Variants in EMCN observed in about 807,000 individuals in gnomAD.
The protein encoded by EMCN is endomucin, also known as MUC-14.
A neutral mutation model predicts 38.4 loss-of-function variants in EMCN; 37 were observed. The ratio of observed to expected loss-of-function variants is 0.96; its 90% CI spans 0.74 to 1.27. The LOEUF (loss-of-function observed/expected upper bound fraction) is 1.27, where lower values mean the gene tolerates loss of function less well. EMCN is among the 50% of genes most tolerant of loss of function. The pLI is 0.00. For synonymous variants in EMCN, 95 were observed against 100.8 expected (o/e 0.94, Z 0.35); for missense variants, 318 against 302.8 (o/e 1.05, Z -0.37).
chr4:100,410,238 C>T (rs1048012867), intron 11 of EMCN, 44 bp downstream of exon 11: 7 of 1,301,120 alleles, frequency 5.4e-6, no homozygotes, highest in Non-Finnish European at 6.7e-6. Context: ...GCTAACAAAA[C>T]AGATATTAAT....
intron 4 of EMCN, among the ~76,000 whole-genome samples, chr4:100,454,252 A>C (rs1451577159): frequency 1.3e-5 from 2 of 151,520 alleles, no homozygotes; most frequent in Non-Finnish European, 2.9e-5. Context: ...AAAAAAAAAA[A>C]ATAGCTCAGG....
chr4:100,511,546 C>G (rs569314380), intron 1 of EMCN, among the ~76,000 whole-genome samples: 2 of 152,260 alleles, frequency 1.3e-5, no homozygotes, highest in South Asian at 2.1e-4. Context: ...ACTAACCTCA[C>G]AGTATAATTC....
At chr4:100,504,728 G>A (rs1458769415) in intron 1 of EMCN, among the ~76,000 whole-genome samples, 1 of 152,218 alleles carries the variant, frequency 6.6e-6, no homozygotes, top group Non-Finnish European at 1.5e-5. Context: ...CCACGGTCTA[G>A]CGGTAGAGTC....
At chr4:100,456,511 T>G (rs929571242) in intron 4 of EMCN, among the ~76,000 whole-genome samples, 5 of 152,202 alleles carry the variant, frequency 3.3e-5, no homozygotes, top group Non-Finnish European at 5.9e-5. Flanking sequence ...ATTGCCAGTT[T>G]TGGTACTGCA....
chr4:100,514,092 A>T (rs1221837591), intron 1 of EMCN, among the ~76,000 whole-genome samples: 1 of 152,042 alleles, frequency 6.6e-6, no homozygotes, highest in Non-Finnish European at 1.5e-5. Context: ...AGGACTAAAG[A>T]ACATTCACCT....
At chr4:100,483,448 C>T (rs548044200) in intron 1 of EMCN, 6 of 152,148 alleles carry the variant, frequency 3.9e-5, no homozygotes, top group African/African-American at 1.4e-4. Flanking sequence ...ACATGTTTTG[C>T]TCTTATGTAA....
chr4:100,466,375 T>C (rs1728316825), intron 3 of EMCN, among the ~76,000 whole-genome samples: 1 of 152,188 alleles, frequency 6.6e-6, no homozygotes, highest in South Asian at 2.1e-4. Context: ...GAATTGCTGG[T>C]GTTTTCTAGA....
At chr4:100,510,832 C>T (rs1002193558) in intron 1 of EMCN, among the ~76,000 whole-genome samples, 8 of 152,100 alleles carry the variant, frequency 5.3e-5, no homozygotes, top group African/African-American at 1.9e-4. Context: ...TAGCTATTTC[C>T]TCTTTGTTTC....
At chr4:100,515,226 A>G (rs1729722554) in intron 1 of EMCN, among the ~76,000 whole-genome samples, 1 of 152,094 alleles carries the variant, frequency 6.6e-6, no homozygotes, top group African/African-American at 2.4e-5. Flanking sequence ...TCTTGGAGGA[A>G]TCTCTCTTCA....
intron 5 of EMCN, among the ~76,000 whole-genome samples, chr4:100,433,547 T>G (rs1010103486): frequency 5.3e-5 from 8 of 152,056 alleles, no homozygotes; most frequent in Admixed American, 5.2e-4. Flanking sequence ...TTTTTCCTTT[T>G]TTTTTTATTT....
intron 4 of EMCN, among the ~76,000 whole-genome samples, chr4:100,454,335 G>A (rs2110250799): frequency 6.6e-6 from 1 of 151,760 alleles, no homozygotes; most frequent in East Asian, 1.9e-4. Flanking sequence ...ATTGAAGGGT[G>A]GGGGACCTTT....
intron 5 of EMCN, among the ~76,000 whole-genome samples, chr4:100,441,989 A>ATAGATATG (rs1271282226): frequency 2.0e-5 from 3 of 152,194 alleles, no homozygotes; most frequent in African/African-American, 7.2e-5. Context: ...TTTATACTTT[A>ATAGATATG]TAGATATGTC....
intron 8 of EMCN, 131 bp downstream of exon 8, chr4:100,421,151 T>C (rs1316018141): frequency 5.9e-6 from 5 of 846,542 alleles, no homozygotes; most frequent in Non-Finnish European, 9.6e-6. Context: ...TCGTCCTTTG[T>C]TTCTGTGATC....
chr4:100,410,190 CT>C, intron 11 of EMCN, 91 bp downstream of exon 11: 2 of 913,000 alleles, frequency 2.2e-6, no homozygotes, highest in Non-Finnish European at 3.5e-6. Context: ...AGCTTTCCAG[CT>C]TTTGAAATTC....
intron 1 of EMCN, among the ~76,000 whole-genome samples, chr4:100,484,830 G>C (rs1728898283): frequency 6.6e-6 from 1 of 151,978 alleles, no homozygotes; most frequent in Non-Finnish European, 1.5e-5. Flanking sequence ...TGAGTTTTAG[G>C]GTAGTTTCAG....
intron 1 of EMCN, chr4:100,483,434 A>C (rs1728862517): frequency 6.6e-6 from 1 of 152,146 alleles, no homozygotes; most frequent in Non-Finnish European, 1.5e-5. Flanking sequence ...GTGACTAGGC[A>C]CACACATGTT....
chr4:100,457,225 A>G (rs1274462864), intron 4 of EMCN, among the ~76,000 whole-genome samples: 1 of 148,944 alleles, frequency 6.7e-6, no homozygotes, highest in Non-Finnish European at 1.5e-5. Context: ...TGCGATCATT[A>G]GTTTCTATTA....
chr4:100,452,985 C>A (rs1322684084), intron 4 of EMCN, among the ~76,000 whole-genome samples: 2 of 152,100 alleles, frequency 1.3e-5, no homozygotes, highest in Non-Finnish European at 2.9e-5. Flanking sequence ...ATGTAGAAAG[C>A]TGAAACTGGA....
rs1728420455 is a variant in EMCN, at chr4:100,469,677, T to G, written c.260-4138A>C. ...AGCCAATTATTCCAGCTTCATTTAT[T>G]GAACAGGGAGTCCTTTCTCCATTGT... On this transcript the variant is annotated intron_variant, in intron 3 of 11. Coordinates refer to ENST00000296420, the MANE Select transcript of EMCN (RefSeq NM_016242.4). 3.3e-5 allele frequency among the ~76,000 whole-genome samples: 5 copies of G among 152,102 alleles called. No individual in the cohort carries two copies. In the South Asian group the frequency reaches 1.0e-3, roughly 32 times the overall value.
Sources: gnomAD v4.1 joint callset for allele counts (sites outside exome capture counted in the v4.1 genomes callset) on GRCh38, gnomAD v4.1.1 for gene constraint, MANE v1.5 for transcripts, NCBI Gene and HGNC (gene_info 2026-07-23, HGNC 2026-07-21) for gene names.